ESR1: variants seen among roughly 807,000 people sequenced by gnomAD.
ESR1 encodes estrogen receptor 1.
ESR1 carries 12 observed loss-of-function variants against 52.7 expected under a neutral mutation model. The observed-to-expected ratio is 0.23, with a 90% confidence interval of 0.15 to 0.37. The LOEUF is 0.37. Ranked by LOEUF, ESR1 falls within the 10% of genes least tolerant of loss-of-function variation. The pLI, the probability that ESR1 is intolerant of heterozygous loss-of-function variation, is 1.00. For missense variants in ESR1, 584 were observed against 779.7 expected, an observed-to-expected ratio of 0.75 and a Z score of 2.99; for synonymous variants, 305 against 316.8, an observed-to-expected ratio of 0.96 and a Z score of 0.39.
intron 2 of ESR1, among the ~76,000 whole-genome samples, chr6:151,757,731 T>C (rs1784392375): frequency 6.6e-6 from 1 of 152,234 alleles, no homozygotes; most frequent in South Asian, 2.1e-4. Flanking sequence ...AGAACCAAGA[T>C]GAAAGCTTCA....
intron 6 of ESR1, among the ~76,000 whole-genome samples, chr6:152,070,072 A>G (rs2048252781): frequency 7.3e-6 from 1 of 137,556 alleles, no homozygotes; most frequent in Admixed American, 6.8e-5. Context: ...CTGGACCTCT[A>G]ATTCTAAGCA....
intron 4 of ESR1, among the ~76,000 whole-genome samples, chr6:151,992,271 T>C (rs2041098209): frequency 6.6e-6 from 1 of 152,124 alleles, no homozygotes; most frequent in Non-Finnish European, 1.5e-5. Context: ...TCCAGAACTT[T>C]CTCATCATCC....
intron 4 of ESR1, among the ~76,000 whole-genome samples, chr6:151,966,471 T>C (rs2038285111): frequency 6.6e-6 from 1 of 152,164 alleles, no homozygotes; most frequent in Admixed American, 6.5e-5. Flanking sequence ...TTTTCTCTTT[T>C]GTTGTCTCTC....
chr6:152,076,496 C>T (rs752037958), intron 6 of ESR1, among the ~76,000 whole-genome samples: 5 of 151,902 alleles, frequency 3.3e-5, no homozygotes, highest in East Asian at 1.9e-4. Flanking sequence ...AAAAGATAGC[C>T]GAAAATGTGG....
chr6:151,861,156 C>G (rs1229580719), intron 2 of ESR1, among the ~76,000 whole-genome samples: 3 of 152,130 alleles, frequency 2.0e-5, no homozygotes, highest in Non-Finnish European at 4.4e-5. Context: ...TATCCTTTCT[C>G]TCATGGCTGG....
intron 5 of ESR1, among the ~76,000 whole-genome samples, chr6:152,034,283 T>C (rs1042047584): frequency 2.3e-5 from 2 of 88,392 alleles, no homozygotes; most frequent in Non-Finnish European, 4.4e-5. Flanking sequence ...AAACTTAAAG[T>C]ACAATAAAAA....
intron 5 of ESR1, among the ~76,000 whole-genome samples, chr6:152,036,568 C>T (rs2045324091): frequency 6.6e-6 from 1 of 152,176 alleles, no homozygotes; most frequent in Admixed American, 6.5e-5. Flanking sequence ...CCACCATCAA[C>T]TAAGTCAGGA....
chr6:152,055,998 A>G (rs1176597810), intron 5 of ESR1, among the ~76,000 whole-genome samples: 2 of 152,204 alleles, frequency 1.3e-5, no homozygotes, highest in African/African-American at 2.4e-5. Flanking sequence ...ACTCATTCAG[A>G]CACACAGAGT....
chr6:151,884,890 T>C (rs1229209385), intron 3 of ESR1, among the ~76,000 whole-genome samples: 1 of 152,152 alleles, frequency 6.6e-6, no homozygotes, highest in African/African-American at 2.4e-5. Flanking sequence ...GGCTCGAAGT[T>C]CAAAATCAAG....
chr6:151,837,368 G>T (rs544588272), intron 1 of ESR1, among the ~76,000 whole-genome samples: 1 of 151,766 alleles, frequency 6.6e-6, no homozygotes, highest in East Asian at 1.9e-4. Flanking sequence ...AAAGTGCTGG[G>T]ATTACAGGCA....
At chr6:151,826,253 A>C (rs1781483151) in intron 1 of ESR1, among the ~76,000 whole-genome samples, 1 of 152,196 alleles carries the variant, frequency 6.6e-6, no homozygotes, top group African/African-American at 2.4e-5. Flanking sequence ...ATAAAGATAT[A>C]TAGTTGATTT....
intron 6 of ESR1, among the ~76,000 whole-genome samples, chr6:152,080,143 C>G (rs1340717869): frequency 6.6e-6 from 1 of 152,122 alleles, no homozygotes. Flanking sequence ...ATACAGAGAA[C>G]ACTACAAAGA....
At chr6:151,764,035 G>C (rs2128100292) in intron 2 of ESR1, among the ~76,000 whole-genome samples, 1 of 152,264 alleles carries the variant, frequency 6.6e-6, no homozygotes, top group South Asian at 2.1e-4. Context: ...GCAGTTCCCT[G>C]TTGCTGGAGC....
chr6:151,967,496 C>T (rs917488903), intron 4 of ESR1, among the ~76,000 whole-genome samples: 2 of 152,118 alleles, frequency 1.3e-5, no homozygotes, highest in Non-Finnish European at 2.9e-5. Flanking sequence ...CATCCATGTC[C>T]CTGCAAAGGA....
chr6:151,883,075 A>G (rs11155820), intron 3 of ESR1, among the ~76,000 whole-genome samples: 33,665 of 151,994 alleles, frequency 0.22, 4,656 homozygotes, highest in Middle Eastern at 0.36. Flanking sequence ...TGGAAGCTGG[A>G]CATGCATAAT....
chr6:152,073,390 A>G (rs9478274), intron 6 of ESR1, among the ~76,000 whole-genome samples: 31,196 of 152,114 alleles, frequency 0.21, 4,417 homozygotes, highest in African/African-American at 0.39. Flanking sequence ...TGACCAAGGC[A>G]GAGAACTTGG....
chr6:151,662,915 C>T (rs1278913045), intron 1 of ESR1, among the ~76,000 whole-genome samples: 1 of 152,218 alleles, frequency 6.6e-6, no homozygotes, highest in African/African-American at 2.4e-5. Context: ...AATTAAGTCA[C>T]TGTTTATTCT....
At chr6:151,671,537 C>A (rs548792192) in intron 1 of ESR1, among the ~76,000 whole-genome samples, 2 of 151,880 alleles carry the variant, frequency 1.3e-5, no homozygotes, top group African/African-American at 2.4e-5. Context: ...AAATGGAATG[C>A]GGCAGAAAGG....
chr6:151,816,044 A>C (rs1779582771), intron 1 of ESR1, among the ~76,000 whole-genome samples: 1 of 152,222 alleles, frequency 6.6e-6, no homozygotes, highest in African/African-American at 2.4e-5. Context: ...GGCATGAGTT[A>C]CAATGCTGTT....
Sources: gnomAD v4.1 joint callset for allele counts (sites outside exome capture counted in the v4.1 genomes callset) on GRCh38, gnomAD v4.1.1 for gene constraint, MANE v1.5 for transcripts, NCBI Gene and HGNC (gene_info 2026-07-23, HGNC 2026-07-21) for gene names.